PSMB7: variants seen among roughly 807,000 people sequenced by gnomAD.
PSMB7 encodes proteasome subunit beta type-7.
A neutral mutation model predicts 28.1 loss-of-function variants in PSMB7; 5 were observed. The ratio of observed to expected loss-of-function variants is 0.18; its 90% CI spans 0.09 to 0.37. The LOEUF is 0.37. Ranked by LOEUF, PSMB7 falls within the 10% of genes least tolerant of loss-of-function variation. PSMB7 has a pLI of 1.00. For synonymous variants in PSMB7, 122 were observed against 123.7 expected (o/e 0.99, Z 0.09); for missense variants, 275 against 346.2 (o/e 0.79, Z 1.63).
chr9:124,370,128 A>G (rs540865999), intron 6 of PSMB7, among the ~76,000 whole-genome samples: 3 of 152,022 alleles, frequency 2.0e-5, no homozygotes, highest in Non-Finnish European at 4.4e-5. Context: ...GGCAACACAG[A>G]TCTCTTCTGG....
intron 6 of PSMB7, among the ~76,000 whole-genome samples, chr9:124,362,457 C>T (rs1037898879): frequency 2.6e-5 from 4 of 152,194 alleles, no homozygotes; most frequent in East Asian, 1.9e-4. Flanking sequence ...GGCATCACGG[C>T]GGAATCCTCA....
intron 6 of PSMB7, among the ~76,000 whole-genome samples, chr9:124,379,421 A>G (rs1278739740): frequency 1.3e-5 from 2 of 152,230 alleles, no homozygotes; most frequent in African/African-American, 4.8e-5. Flanking sequence ...GCCCGAGAAG[A>G]ATTCAGGCTC....
chr9:124,375,042 G>A (rs1212360625), intron 6 of PSMB7, among the ~76,000 whole-genome samples: 1 of 151,914 alleles, frequency 6.6e-6, no homozygotes, highest in Admixed American at 6.5e-5. Flanking sequence ...TTAGGAGGCT[G>A]AGCCAGGAGA....
At chr9:124,368,064 T>C (rs918098376) in intron 6 of PSMB7, among the ~76,000 whole-genome samples, 2 of 152,258 alleles carry the variant, frequency 1.3e-5, no homozygotes, top group African/African-American at 4.8e-5. Context: ...TTACCGCCAT[T>C]TCGGTGAGAA....
intron 6 of PSMB7, among the ~76,000 whole-genome samples, chr9:124,382,200 CTTTTTTTTT>C (rs1164339420): frequency 1.8e-4 from 10 of 55,978 alleles, no homozygotes; most frequent in Admixed American, 3.1e-4. Flanking sequence ...TCTCTTTTCT[CTTTTTTTTT>C]TTTTTTTTTT....
chr9:124,395,757 A>C (rs1248497041), intron 5 of PSMB7, among the ~76,000 whole-genome samples: 2 of 152,218 alleles, frequency 1.3e-5, no homozygotes, highest in African/African-American at 4.8e-5. Flanking sequence ...AGGTTAGGTG[A>C]CTAGGCTCTC....
chr9:124,362,831 T>C (rs745324403), intron 6 of PSMB7, among the ~76,000 whole-genome samples: 5 of 152,214 alleles, frequency 3.3e-5, no homozygotes, highest in Non-Finnish European at 7.3e-5. Flanking sequence ...GGTAAGTATA[T>C]ACAGTTTTTA....
rs541444743 is a variant in PSMB7, at chr9:124,373,683, C to T, written c.570+10915G>A. ...AACCACAATAAGATACCAAGTCACA[C>T]ACACCCACCAGGATGACTACAATCC... On this transcript the variant is annotated intron_variant, in intron 6 of 7. Coordinates refer to ENST00000259457, the MANE Select transcript of PSMB7 (RefSeq NM_002799.4). 2.6e-5 allele frequency among the ~76,000 whole-genome samples: 4 copies of T among 152,302 alleles called. No homozygotes were observed. In the South Asian group the frequency reaches 8.3e-4, roughly 32 times the overall value.
intron 6 of PSMB7, among the ~76,000 whole-genome samples, chr9:124,371,427 T>G (rs914824593): frequency 3.3e-5 from 5 of 152,226 alleles, no homozygotes; most frequent in African/African-American, 1.2e-4. Flanking sequence ...CTTTTGATGG[T>G]GAAATTCGTG....
At chr9:124,355,823 G>A (rs1043314942) in intron 7 of PSMB7, among the ~76,000 whole-genome samples, 3 of 152,202 alleles carry the variant, frequency 2.0e-5, no homozygotes, top group African/African-American at 4.8e-5. Context: ...GGAGCCCACT[G>A]AGCTTCCGCA....
At chr9:124,372,370 T>C (rs1348792457) in intron 6 of PSMB7, among the ~76,000 whole-genome samples, 1 of 152,116 alleles carries the variant, frequency 6.6e-6, no homozygotes, top group African/African-American at 2.4e-5. Flanking sequence ...GGGAGAAAAA[T>C]CAACAAAGTC....
rs572017114 is a variant in PSMB7, at chr9:124,393,997, G to A, written c.512-9341C>T. 2.6e-5 allele frequency among the ~76,000 whole-genome samples: 4 copies of A among 152,344 alleles called. No homozygotes were observed. In the South Asian group the frequency reaches 8.3e-4, roughly 32 times the overall value. On this transcript the variant is annotated intron_variant, in intron 5 of 7. Coordinates refer to ENST00000259457, the MANE Select transcript of PSMB7 (RefSeq NM_002799.4). ...TGCAAGGCATACACCCTGCCCTGCT[G>A]CCGCAGGAACGCAGGGCAGTGGGAG...
chr9:124,363,180 G>A (rs572824916), intron 6 of PSMB7, among the ~76,000 whole-genome samples: 336 of 152,318 alleles, frequency 2.2e-3, no homozygotes, highest in Admixed American at 3.5e-3. Flanking sequence ...CTGAAATCAT[G>A]AGAGAGACCC....
At chr9:124,370,223 CTT>C (rs34812724) in intron 6 of PSMB7, among the ~76,000 whole-genome samples, 53,602 of 144,312 alleles carry the variant, frequency 0.37, 9,929 homozygotes, top group Non-Finnish European at 0.41. Context: ...GAAAGAGCAC[CTT>C]TTTTTTTTTT....
In PSMB7 at chr9:124,413,904, T is replaced by C. The variant is rs921739429; in HGVS notation, c.254+4A>G. ...AAGAGTTATTCAAACGAATCAATAC[T>C]TACTAAATATTAGGAGATATGAAGT... On this transcript the variant is annotated splice_donor_region_variant and intron_variant, in intron 3 of 7. Transcript: ENST00000259457. The C allele has an allele frequency of 7.0e-6, 11 of 1,579,106 alleles. No individual in the cohort carries two copies. The Admixed American group carries it at 1.0e-4, about 14-fold the overall frequency.
Position 124,376,597 on chromosome 9 carries a change from G to C in PSMB7, c.570+8001C>G, listed in dbSNP as rs74999675. On this transcript the variant is annotated intron_variant, in intron 6 of 7. Transcript: ENST00000259457. ...CTTCACAAGACCTCATCAGAGAAAAGAAACAGCCCAAGCAGCCCACACCTC... is the reference window on the plus strand; with the variant it reads ...CTTCACAAGACCTCATCAGAGAAAACAAACAGCCCAAGCAGCCCACACCTC... Among the ~76,000 whole-genome samples the C allele has an allele frequency of 3.9e-3, 597 of 152,278 alleles. 3 individuals carry two copies. The highest frequency in any genetic ancestry group is 0.013 in the African/African-American group (539 of 41,546).
At position 124,398,130 on chromosome 9, in the gene PSMB7, G is replaced by GCCACTT. The variant is rs59265624; in HGVS notation, c.511+7181_511+7186dup. On this transcript the variant is annotated intron_variant, in intron 5 of 7. Coordinates refer to ENST00000259457, the MANE Select transcript of PSMB7 (RefSeq NM_002799.4). The stretch of plus-strand genomic sequence containing the variant: ...GGAGGCTGCAGTGAGCCAAAATCGA[G>GCCACTT]CCACTTAACTCCAGCCTGGGCAACA... Among the ~76,000 whole-genome samples the GCCACTT allele has an allele frequency of 2.7e-3, 415 of 151,246 alleles. 2 individuals carry two copies. Among genetic ancestry groups the GCCACTT allele is most frequent in the Middle Eastern group, 0.01 (3 of 292 alleles).
Position 124,356,699 on chromosome 9 carries a change from A to T in PSMB7, c.722+65T>A. ...ACCAGGAAAACTCCATCCAGATGCC[A>T]TGGAGATACCAAGGGTGGCCACGAC... On this transcript the variant is annotated intron_variant, in intron 7 of 7. Coordinates refer to ENST00000259457, the MANE Select transcript of PSMB7 (RefSeq NM_002799.4). This position sits in a 1 kb window ranked among gnomAD's most constrained non-coding sequence, Gnocchi z 4.4. The T allele has an allele frequency of 3.3e-6, 5 of 1,534,796 alleles. No individual in the cohort carries two copies. Among genetic ancestry groups the T allele is most frequent in the Non-Finnish European group, 4.4e-6 (5 of 1,124,016 alleles).
At chr9:124,361,226 GTAC>G (rs1316303956) in intron 6 of PSMB7, among the ~76,000 whole-genome samples, 2 of 152,198 alleles carry the variant, frequency 1.3e-5, no homozygotes, top group East Asian at 3.8e-4. Flanking sequence ...GTGATGTACT[GTAC>G]TACAAGTCAG....
Sources: gnomAD v4.1 joint callset for allele counts (sites outside exome capture counted in the v4.1 genomes callset) on GRCh38, gnomAD v4.1.1 for gene constraint, Gnocchi (gnomAD v3.1) non-coding constraint, MANE v1.5 for transcripts, NCBI Gene and HGNC (gene_info 2026-07-23, HGNC 2026-07-21) for gene names.